The following STARD3NL variants were observed in gnomAD, a reference collection of about 807,000 sequenced individuals.
The protein encoded by STARD3NL is STARD3 N-terminal-like protein.
A neutral mutation model predicts 30.9 loss-of-function variants in STARD3NL; 17 were observed. The observed-to-expected ratio is 0.55, with a 90% CI of 0.38 to 0.82. The LOEUF is 0.82. Among genes scored for constraint, STARD3NL ranks in the 40% least tolerant of loss-of-function variants. The probability of loss-of-function intolerance (pLI) is 0.00; values close to 1 mark genes in which losing one functional copy is unlikely to be tolerated. For missense variants in STARD3NL, 234 were observed against 277.6 expected, an observed-to-expected ratio of 0.84 and a Z score of 1.12; for synonymous variants, 112 against 100.5, an observed-to-expected ratio of 1.11 and a Z score of -0.69.
At chr7:38,203,366 T>G (rs1370423141) in intron 1 of STARD3NL, among the ~76,000 whole-genome samples, 1 of 152,144 alleles carries the variant, frequency 6.6e-6, no homozygotes, top group African/African-American at 2.4e-5. Context: ...GAATTTCATA[T>G]CTAGCCAAAC....
At chr7:38,195,216 T>C (rs1990363) in intron 1 of STARD3NL, among the ~76,000 whole-genome samples, 125,996 of 152,106 alleles carry the variant, frequency 0.83, 52,344 homozygotes, top group African/African-American at 0.88. Context: ...GTCACCATGC[T>C]TGGCTAATTT....
chr7:38,193,157 A>AT (rs1451203288), intron 1 of STARD3NL, among the ~76,000 whole-genome samples: 2 of 152,148 alleles, frequency 1.3e-5, no homozygotes, highest in African/African-American at 4.8e-5. Context: ...ACCAATCAAA[A>AT]TGTACATAAT....
intron 1 of STARD3NL, among the ~76,000 whole-genome samples, chr7:38,197,136 T>TTTTCTTTCTCTCTTTCTTTC (rs1784939419): frequency 8.9e-6 from 1 of 112,276 alleles, no homozygotes; most frequent in Non-Finnish European, 1.8e-5. Flanking sequence ...GCATTACCTT[T>TTTTCTTTCTCTCTTTCTTTC]TTTCTTTCTT....
At chr7:38,201,915 C>G (rs932855094) in intron 1 of STARD3NL, 1 of 152,320 alleles carries the variant, frequency 6.6e-6, no homozygotes, top group African/African-American at 2.4e-5. Context: ...TCTTGAACTG[C>G]TGGCCTCAAG....
rs551311618 is a variant in STARD3NL, at chr7:38,226,058, T to C, written c.650-2741T>C. 6.6e-5 allele frequency among the ~76,000 whole-genome samples: 10 copies of C among 152,320 alleles called. No homozygotes were observed. In the East Asian group the frequency reaches 1.7e-3, roughly 26 times the overall value. ...TTGATGTCTCTGAGCACTTCAACTT[T>C]TCTTCAGTCTTTTTCTTTCACTCAG... On this transcript the variant is annotated intron_variant, in intron 7 of 8. Transcript: ENST00000009041.
At chr7:38,178,657 G>A (rs982007987) in intron 1 of STARD3NL, among the ~76,000 whole-genome samples, 1 of 152,244 alleles carries the variant, frequency 6.6e-6, no homozygotes, top group African/African-American at 2.4e-5. Flanking sequence ...CCCACGGCGT[G>A]GGCCGGGATT....
intron 2 of STARD3NL, among the ~76,000 whole-genome samples, chr7:38,209,072 A>G (rs1785647967): frequency 6.6e-6 from 1 of 151,986 alleles, no homozygotes; most frequent in African/African-American, 2.4e-5. Flanking sequence ...CTGTTTACAG[A>G]TTTTTCTTCT....
chr7:38,211,082 T>C (rs1431062873), intron 2 of STARD3NL, among the ~76,000 whole-genome samples: 1 of 152,240 alleles, frequency 6.6e-6, no homozygotes, highest in African/African-American at 2.4e-5. Context: ...AATTTATTAA[T>C]AACTAAAATA....
At chr7:38,209,074 T>C (rs901206268) in intron 2 of STARD3NL, among the ~76,000 whole-genome samples, 1 of 152,206 alleles carries the variant, frequency 6.6e-6, no homozygotes, top group African/African-American at 2.4e-5. Flanking sequence ...GTTTACAGAT[T>C]TTTCTTCTGT....
intron 7 of STARD3NL, among the ~76,000 whole-genome samples, chr7:38,222,517 C>A (rs1786529089): frequency 6.6e-6 from 1 of 152,180 alleles, no homozygotes; most frequent in African/African-American, 2.4e-5. Context: ...ATCTCTACTT[C>A]TTTTTCTAAG....
At chr7:38,194,761 C>T (rs1379839442) in intron 1 of STARD3NL, among the ~76,000 whole-genome samples, 2 of 151,840 alleles carry the variant, frequency 1.3e-5, no homozygotes, top group Non-Finnish European at 2.9e-5. Flanking sequence ...TTTTGGTGGT[C>T]TAGTTTTGTG....
rs117550770 is a variant in STARD3NL, at chr7:38,207,205, C to G, written c.-58-242C>G. Among the ~76,000 whole-genome samples, 886 of 152,320 alleles carry G rather than the reference C, an allele frequency of 5.8e-3. 3 individuals carry two copies. Among genetic ancestry groups the G allele is most frequent in the Non-Finnish European group, 9.7e-3 (659 of 68,020 alleles). On this transcript the variant is annotated intron_variant, in intron 1 of 8. Coordinates refer to ENST00000009041, the MANE Select transcript of STARD3NL (RefSeq NM_032016.4). ...AGCTAACATCCTGCCTTCACCCTTT[C>G]CTACAGTCAGTTTGCTTCTTCTCTC...
At chr7:38,226,671 A>C (rs1425058632) in intron 7 of STARD3NL, among the ~76,000 whole-genome samples, 4 of 152,176 alleles carry the variant, frequency 2.6e-5, no homozygotes, top group East Asian at 1.9e-4. Context: ...CATGGAGACA[A>C]CACCAGCTGG....
chr7:38,211,262 A>G (rs543261625), intron 2 of STARD3NL, among the ~76,000 whole-genome samples: 166 of 152,328 alleles, frequency 1.1e-3, no homozygotes, highest in Non-Finnish European at 1.9e-3. Flanking sequence ...GAGGTAGATC[A>G]GTGGCTTGGA....
chr7:38,195,985 T>TA (rs1253487763), intron 1 of STARD3NL, among the ~76,000 whole-genome samples: 1 of 152,218 alleles, frequency 6.6e-6, no homozygotes, highest in Non-Finnish European at 1.5e-5. Flanking sequence ...GTCAGCAGCT[T>TA]AAAGAGCCCA....
chr7:38,216,478 T>TGTGTGTGTGTGTGTGTGTGA (rs1218439652), intron 4 of STARD3NL: 1 of 152,402 alleles, frequency 6.6e-6, no homozygotes, highest in African/African-American at 2.5e-5. Flanking sequence ...TGTGTGTGTG[T>TGTGTGTGTGTGTGTGTGTGA]GTGTGAGTGT....
chr7:38,214,298 C>A, intron 2 of STARD3NL, 59 bp from the exon 3 acceptor site: 2 of 1,107,454 alleles, frequency 1.8e-6, no homozygotes, highest in Middle Eastern at 2.0e-4. Flanking sequence ...GAAATCTTAC[C>A]TTGTTTTATT....
At chr7:38,224,339 CAT>C (rs1786633391) in intron 7 of STARD3NL, among the ~76,000 whole-genome samples, 1 of 152,180 alleles carries the variant, frequency 6.6e-6, no homozygotes. Flanking sequence ...TTTGCTGTGT[CAT>C]GTGGCAAGTT....
intron 1 of STARD3NL, among the ~76,000 whole-genome samples, chr7:38,183,181 A>G (rs574433182): frequency 6.6e-6 from 1 of 152,316 alleles, no homozygotes; most frequent in African/African-American, 2.4e-5. Flanking sequence ...CCAGGGAGGA[A>G]CACCAGCCAA....
Sources: gnomAD v4.1 joint callset for allele counts (sites outside exome capture counted in the v4.1 genomes callset) on GRCh38, gnomAD v4.1.1 for gene constraint, MANE v1.5 for transcripts, NCBI Gene and HGNC (gene_info 2026-07-23, HGNC 2026-07-21) for gene names.